The following FHIT variants were observed in gnomAD, a reference collection of about 807,000 sequenced individuals.
The protein encoded by FHIT is fragile histidine triad diadenosine triphosphatase.
A neutral mutation model predicts 17.9 loss-of-function variants in FHIT; 19 were observed. That is an observed-to-expected ratio of 1.06 (90% CI 0.74 to 1.56). The LOEUF is 1.56. FHIT is among the 40% of genes most tolerant of loss of function. The pLI is 0.00. For missense variants in FHIT, 248 were observed against 189.2 expected, an observed-to-expected ratio of 1.31 and a Z score of -1.82; for synonymous variants, 81 against 69.7, an observed-to-expected ratio of 1.16 and a Z score of -0.81.
At chr3:60,216,796 T>C (rs71313753) in intron 5 of FHIT, among the ~76,000 whole-genome samples, 20,794 of 152,132 alleles carry the variant, frequency 0.14, 1,454 homozygotes, top group South Asian at 0.17. Context: ...CTGCTTACCC[T>C]TTCCTGCTAC....
intron 5 of FHIT, among the ~76,000 whole-genome samples, chr3:60,050,040 A>C (rs212048): frequency 6.6e-6 from 1 of 151,942 alleles, no homozygotes; most frequent in South Asian, 2.1e-4. Context: ...AGAATACTGA[A>C]AGTGTACATA....
intron 4 of FHIT, among the ~76,000 whole-genome samples, chr3:60,816,667 T>C (rs1553737788): frequency 6.8e-6 from 1 of 146,388 alleles, no homozygotes; most frequent in East Asian, 2.0e-4. Flanking sequence ...TGCCTCTATG[T>C]TCATCAGGGA....
intron 5 of FHIT, among the ~76,000 whole-genome samples, chr3:60,116,229 T>C (rs1260052769): frequency 6.6e-6 from 1 of 152,146 alleles, no homozygotes; most frequent in Non-Finnish European, 1.5e-5. Flanking sequence ...GGCTGTAATG[T>C]AAGTAAAGTA....
At chr3:59,849,604 T>G (rs551362122) in intron 8 of FHIT, among the ~76,000 whole-genome samples, 2 of 152,252 alleles carry the variant, frequency 1.3e-5, no homozygotes, top group Admixed American at 6.5e-5. Context: ...AGGAATTCGT[T>G]TCCTAAACTT....
At chr3:60,045,532 T>A (rs897618655) in intron 5 of FHIT, among the ~76,000 whole-genome samples, 1 of 152,030 alleles carries the variant, frequency 6.6e-6, no homozygotes, top group African/African-American at 2.4e-5. Context: ...CCACAACACG[T>A]GAGATTTGGG....
chr3:61,067,776 C>T (rs747912935), intron 2 of FHIT, among the ~76,000 whole-genome samples: 11 of 152,170 alleles, frequency 7.2e-5, no homozygotes, highest in Non-Finnish European at 1.3e-4. Flanking sequence ...GGTCAAGGGC[C>T]AGTCTTTTAT....
Position 60,221,332 on chromosome 3 carries a change from G to C in FHIT, c.104-207180C>G, listed in dbSNP as rs909609660. Among the ~76,000 whole-genome samples, 10 of 152,044 alleles carry C rather than the reference G, an allele frequency of 6.6e-5. 1 individual carries two copies. The highest frequency in any genetic ancestry group is 1.5e-5 in the Non-Finnish European group (1 of 68,012). ...ATAATAGTAGACAACTTCACCAGGAGAACAGCAGTTCAGTACAACAGGAAG... is the reference window on the plus strand; with the variant it reads ...ATAATAGTAGACAACTTCACCAGGACAACAGCAGTTCAGTACAACAGGAAG... On this transcript the variant is annotated intron_variant, in intron 5 of 9. Coordinates refer to ENST00000492590, the MANE Select transcript of FHIT (RefSeq NM_002012.4).
Position 60,621,779 on chromosome 3 carries a change from G to A in FHIT, c.-17-84800C>T, listed in dbSNP as rs78018766. ...ATAGCTACAACTGGGAGGCTGAGGA[G>A]GGAAGATCGCTGGAGCACAGGAGAT... On this transcript the variant is annotated intron_variant, in intron 4 of 9. Coordinates refer to ENST00000492590, the MANE Select transcript of FHIT (RefSeq NM_002012.4). 6.8e-3 allele frequency among the ~76,000 whole-genome samples: 1,034 copies of A among 151,924 alleles called. 11 individuals carry two copies. The highest frequency in any genetic ancestry group is 8.5e-3 in the Non-Finnish European group (580 of 67,978).
At chr3:60,641,025 C>T (rs970155870) in intron 4 of FHIT, among the ~76,000 whole-genome samples, 3 of 151,866 alleles carry the variant, frequency 2.0e-5, no homozygotes, top group African/African-American at 4.8e-5. Flanking sequence ...ACCAAAAATA[C>T]AAAATTTAGC....
chr3:60,275,124 T>G (rs1247978114), intron 5 of FHIT, among the ~76,000 whole-genome samples: 8 of 152,030 alleles, frequency 5.3e-5, no homozygotes, highest in Non-Finnish European at 4.4e-5. Context: ...CTAGAAAAAT[T>G]TTTTGTCCCT....
intron 2 of FHIT, among the ~76,000 whole-genome samples, chr3:61,146,360 G>A (rs1399855160): frequency 6.6e-6 from 1 of 152,036 alleles, no homozygotes; most frequent in African/African-American, 2.4e-5. Context: ...TCTGTCAAGT[G>A]TTGGGATAAT....
intron 1 of FHIT, among the ~76,000 whole-genome samples, chr3:61,220,863 T>A (rs1033767776): frequency 6.6e-6 from 1 of 152,206 alleles, no homozygotes; most frequent in African/African-American, 2.4e-5. Flanking sequence ...ATAAGTTATC[T>A]CTCTACTGAA....
intron 3 of FHIT, among the ~76,000 whole-genome samples, chr3:60,991,241 C>T (rs373811153): frequency 1.3e-5 from 2 of 152,102 alleles, no homozygotes; most frequent in Non-Finnish European, 2.9e-5. Flanking sequence ...GGCCCAGTGC[C>T]GGGGACAAGC....
At chr3:60,411,824 G>A (rs190683367) in intron 5 of FHIT, among the ~76,000 whole-genome samples, 2 of 152,216 alleles carry the variant, frequency 1.3e-5, no homozygotes, top group African/African-American at 4.8e-5. Flanking sequence ...GGATCCACCT[G>A]ACAATGCTGA....
chr3:59,822,684 T>C (rs2106665207), intron 8 of FHIT, among the ~76,000 whole-genome samples: 1 of 152,314 alleles, frequency 6.6e-6, no homozygotes, highest in Non-Finnish European at 1.5e-5. Flanking sequence ...GAGTTCCTTA[T>C]AGATTCTGGA....
At chr3:60,377,206 T>A (rs1700599151) in intron 5 of FHIT, among the ~76,000 whole-genome samples, 2 of 83,164 alleles carry the variant, frequency 2.4e-5, no homozygotes, top group Non-Finnish European at 5.5e-5. Flanking sequence ...CCATTAAGCT[T>A]TTTTTTTTTT....
At chr3:60,259,337 C>T (rs1256757644) in intron 5 of FHIT, among the ~76,000 whole-genome samples, 1 of 152,078 alleles carries the variant, frequency 6.6e-6, no homozygotes, top group African/African-American at 2.4e-5. Flanking sequence ...TGGGTACTGG[C>T]TATACAATCT....
At chr3:60,916,810 G>C (rs552995943) in intron 3 of FHIT, among the ~76,000 whole-genome samples, 1 of 152,060 alleles carries the variant, frequency 6.6e-6, no homozygotes, top group East Asian at 1.9e-4. Context: ...CCATGGTGAC[G>C]ACAGCTATAA....
intron 4 of FHIT, among the ~76,000 whole-genome samples, chr3:60,633,024 G>A (rs1285340556): frequency 1.3e-5 from 2 of 152,192 alleles, no homozygotes; most frequent in Non-Finnish European, 2.9e-5. Context: ...GAGAGTGTAA[G>A]AAGAACCATG....
Sources: allele counts gnomAD v4.1 joint callset (sites outside exome capture counted in the v4.1 genomes callset), GRCh38; gene constraint gnomAD v4.1.1; transcripts MANE v1.5; gene names NCBI Gene and HGNC (gene_info 2026-07-23, HGNC 2026-07-21).